YWHAQ: variants seen among roughly 807,000 people sequenced by gnomAD.
YWHAQ encodes the protein tyrosine 3-monooxygenase/tryptophan 5-monooxygenase activation protein theta, also known as 14-3-3 protein theta.
Under a neutral mutation model 28.3 loss-of-function variants are expected in YWHAQ, and 6 were observed. The observed-to-expected ratio is 0.21, with a 90% CI of 0.12 to 0.42. The LOEUF (loss-of-function observed/expected upper bound fraction) is 0.42. Ranked by LOEUF, YWHAQ falls within the 10% of genes least tolerant of loss-of-function variation. The pLI, the probability that YWHAQ is intolerant of heterozygous loss-of-function variation, is 1.00. For missense variants in YWHAQ, 201 were observed against 305.6 expected (o/e 0.66, Z 2.55); for synonymous variants, 143 against 119.1 (o/e 1.20, Z -1.31).
chr2:9,613,174 G>A (rs1364780079), intron 2 of YWHAQ, among the ~76,000 whole-genome samples: 1 of 152,140 alleles, frequency 6.6e-6, no homozygotes, highest in Non-Finnish European at 1.5e-5. Flanking sequence ...GTGTTATTGG[G>A]CCTTCATATG....
At chr2:9,618,097 G>A (rs1249701581) in intron 2 of YWHAQ, among the ~76,000 whole-genome samples, 3 of 152,158 alleles carry the variant, frequency 2.0e-5, no homozygotes, top group African/African-American at 7.2e-5. Flanking sequence ...TAGTTGTCAG[G>A]AGCTGAGGTA....
intron 5 of YWHAQ, 107 bp from the exon 6 acceptor site, chr2:9,585,452 A>G: frequency 1.6e-6 from 2 of 1,251,782 alleles, no homozygotes; most frequent in Non-Finnish European, 2.3e-6. Flanking sequence ...TTCCTCAAAC[A>G]ATGGAGATCT....
intron 5 of YWHAQ, among the ~76,000 whole-genome samples, chr2:9,585,585 G>A (rs1292999524): frequency 6.6e-6 from 1 of 151,832 alleles, no homozygotes; most frequent in African/African-American, 2.4e-5. Context: ...TATACCACTG[G>A]AGCATGGTTT....
intron 2 of YWHAQ, 34 bp from the exon 3 acceptor site, chr2:9,591,549 A>T: frequency 1.3e-6 from 2 of 1,583,356 alleles, no homozygotes; most frequent in Non-Finnish European, 1.7e-6. Flanking sequence ...TAGGCACTAA[A>T]CTTCTGCCTA....
Position 9,585,238 on chromosome 2 carries a change from G to A in YWHAQ, c.*48C>T. ...TCCAAGTGGAATAAGGAATGGAGATGTGTAAAAAGGTTTCTTGAAGGAAAG... is the reference window on the plus strand; with the variant it reads ...TCCAAGTGGAATAAGGAATGGAGATATGTAAAAAGGTTTCTTGAAGGAAAG... On this transcript the variant is annotated 3_prime_UTR_variant, in exon 6 of 6. Coordinates refer to ENST00000238081, the MANE Select transcript of YWHAQ (RefSeq NM_006826.4). 1.3e-6 allele frequency: 2 copies of A among 1,598,560 alleles called. No individual in the cohort carries two copies. The highest frequency in any genetic ancestry group is 2.2e-5 in the East Asian group (1 of 44,766).
chr2:9,627,657 T>A (rs182101960), intron 2 of YWHAQ, among the ~76,000 whole-genome samples: 1 of 152,192 alleles, frequency 6.6e-6, no homozygotes, highest in East Asian at 1.9e-4. Context: ...CAAGATCCCA[T>A]CTCTACAATA....
At chr2:9,590,136 C>A (rs970900111) in intron 3 of YWHAQ, among the ~76,000 whole-genome samples, 2 of 152,176 alleles carry the variant, frequency 1.3e-5, no homozygotes, top group Non-Finnish European at 2.9e-5. Context: ...CACAGGACTA[C>A]GTGTGAGACC....
intron 2 of YWHAQ, among the ~76,000 whole-genome samples, chr2:9,596,198 C>G (rs1352094112): frequency 6.6e-6 from 1 of 151,958 alleles, no homozygotes; most frequent in East Asian, 1.9e-4. Context: ...AGAACAGTAA[C>G]TATTCCTCCT....
rs145181655 is a variant in YWHAQ at position 9,598,363 on chromosome 2, G to T, written c.295-6848C>A. On this transcript the variant is annotated intron_variant, in intron 2 of 5. Coordinates refer to ENST00000238081, the MANE Select transcript of YWHAQ (RefSeq NM_006826.4). ...AGTAAAGTGACCATGTGACCTGGCT[G>T]CCCAGGACCATTCCAGTTTAAGCCC... 4.0e-3 allele frequency among the ~76,000 whole-genome samples: 608 copies of T among 152,290 alleles called. 4 individuals are homozygous for T. The highest frequency in any genetic ancestry group is 0.014 in the African/African-American group (578 of 41,546).
intron 2 of YWHAQ, among the ~76,000 whole-genome samples, chr2:9,609,966 G>A (rs892430731): frequency 6.6e-6 from 1 of 152,212 alleles, no homozygotes; most frequent in Non-Finnish European, 1.5e-5. Context: ...AAAGGACTGA[G>A]TTGGCTATTA....
At chr2:9,593,911 T>A (rs1466214602) in intron 2 of YWHAQ, among the ~76,000 whole-genome samples, 215 of 105,234 alleles carry the variant, frequency 2.0e-3, no homozygotes, top group Middle Eastern at 0.01. Context: ...AAAAAATATA[T>A]ATATATATAT....
chr2:9,597,053 C>T lies in YWHAQ; in HGVS notation c.295-5538G>A, dbSNP rs546543917. On this transcript the variant is annotated intron_variant, in intron 2 of 5. Transcript: ENST00000238081. ...GTAATTTGTGGAACTTTTATACTATCGTTAGCTCTATAATCTTGTAGGAAA... is the reference window on the plus strand; with the variant it reads ...GTAATTTGTGGAACTTTTATACTATTGTTAGCTCTATAATCTTGTAGGAAA... Among the ~76,000 whole-genome samples the T allele has an allele frequency of 2.0e-4, 30 of 152,316 alleles. No individual in the cohort carries two copies. In the South Asian group the frequency reaches 4.8e-3, roughly 24 times the overall value.
chr2:9,606,889 T>C (rs1666841001), intron 2 of YWHAQ, among the ~76,000 whole-genome samples: 1 of 140,332 alleles, frequency 7.1e-6, no homozygotes, highest in African/African-American at 2.6e-5. Context: ...AATATTTTTC[T>C]TTTTTTTTTT....
chr2:9,629,041 G>A (rs1667301746), intron 2 of YWHAQ: 1 of 130,620 alleles, frequency 7.7e-6, no homozygotes, highest in African/African-American at 2.8e-5. Flanking sequence ...ATTCTGATGA[G>A]ATGAAGAAAG....
intron 2 of YWHAQ, among the ~76,000 whole-genome samples, chr2:9,607,482 C>T (rs548911402): frequency 6.6e-6 from 1 of 152,082 alleles, no homozygotes; most frequent in African/African-American, 2.4e-5. Flanking sequence ...GCTAGGATTA[C>T]AGGCGTGAGC....
chr2:9,586,300 G>C (rs894498878), intron 5 of YWHAQ, among the ~76,000 whole-genome samples: 1 of 152,156 alleles, frequency 6.6e-6, no homozygotes, highest in African/African-American at 2.4e-5. Context: ...AAGTGAAGAA[G>C]AGAAGTCAGT....
chr2:9,597,443 C>T (rs1317242722), intron 2 of YWHAQ, among the ~76,000 whole-genome samples: 2 of 151,894 alleles, frequency 1.3e-5, no homozygotes, highest in African/African-American at 2.4e-5. Context: ...GTCAGGAGTT[C>T]GAGACCACCC....
chr2:9,628,903 G>A (rs1463200961), intron 2 of YWHAQ: 2 of 151,982 alleles, frequency 1.3e-5, no homozygotes, highest in Non-Finnish European at 2.9e-5. Flanking sequence ...CTCTTTACCA[G>A]TTATTTCCAT....
At chr2:9,585,987 A>G (rs1464484056) in intron 5 of YWHAQ, among the ~76,000 whole-genome samples, 1 of 152,116 alleles carries the variant, frequency 6.6e-6, no homozygotes, top group Non-Finnish European at 1.5e-5. Flanking sequence ...GATAGTCTCT[A>G]TTCCCAGCAG....
Sources: allele counts gnomAD v4.1 joint callset (sites outside exome capture counted in the v4.1 genomes callset), GRCh38; gene constraint gnomAD v4.1.1; transcripts MANE v1.5; gene names NCBI Gene and HGNC (gene_info 2026-07-23, HGNC 2026-07-21).